ADPRHL1: variants seen among roughly 807,000 people sequenced by gnomAD.
ADPRHL1 encodes ADP-ribosylhydrolase like 1.
A neutral mutation model predicts 44.1 loss-of-function variants in ADPRHL1; 43 were observed. That is an observed-to-expected ratio of 0.98 (90% CI 0.76 to 1.26). The LOEUF is 1.26. ADPRHL1 is among the 50% of genes most tolerant of loss of function. The pLI, the probability that ADPRHL1 is intolerant of heterozygous loss-of-function variation, is 0.00. For missense variants in ADPRHL1, 2,022 were observed against 2,496.9 expected (o/e 0.81, Z 4.05); for synonymous variants, 878 against 1,017.4 (o/e 0.86, Z 2.61).
rs866482844 is a variant in ADPRHL1, at chr13:113,400,227, G to A, written c.*3151C>T. The A allele has an allele frequency of 2.7e-5, 4 of 145,758 alleles. No homozygotes were observed. Among genetic ancestry groups the A allele is most frequent in the Non-Finnish European group, 6.0e-5 (4 of 66,814 alleles). The allele number at this position is 145,758 out of a possible 1,614,324, so 9.0% of individuals were successfully genotyped here. ...GTGGCGCAATCTCGGCTCACTGCAAGCTCCACCTCCCGGGTTCACGCCATT... is the reference window on the plus strand; with the variant it reads ...GTGGCGCAATCTCGGCTCACTGCAAACTCCACCTCCCGGGTTCACGCCATT... On this transcript the variant is annotated 3_prime_UTR_variant, in exon 8 of 8. Transcript: ENST00000612156.
chr13:113,445,298 C>T (rs972232972), intron 1 of ADPRHL1, among the ~76,000 whole-genome samples: 1 of 152,216 alleles, frequency 6.6e-6, no homozygotes, highest in African/African-American at 2.4e-5. Context: ...TGTGTCTTGG[C>T]CAAAGCCAGA....
Position 113,405,777 on chromosome 13 carries a change from G to T in ADPRHL1, c.3505C>A (p.Pro1169Thr). The change falls in exon 8 of 8, where the codon CCT becomes ACT. Residue 1169 changes from proline (P) to threonine (T), a missense_variant. This residue lies in a region of ADPRHL1 where 1,221 missense variants were observed against 1,517.8 expected (regional missense o/e 0.80). Transcript: ENST00000612156. ...GGGGCCAGGAGGCCGTGGCTGTGAG[G>T]GTCTCGAGGGAGAGCCTCTCCTCTG... Reference protein sequence around the residue: ...HPRGEALPRDPHSHGLLAPGG... With the variant: ...HPRGEALPRDTHSHGLLAPGG... 8.1e-7 allele frequency: 1 copy of T among 1,231,798 alleles called. No homozygotes were observed. The highest frequency in any genetic ancestry group is 1.0e-6 in the Non-Finnish European group (1 of 988,008). The allele number at this position is 1,231,798 out of a possible 1,614,324, so 76.3% of individuals were successfully genotyped here.
rs141193569 is a variant in ADPRHL1, at chr13:113,405,308, C to T, written c.3974G>A (p.Gly1325Glu). The T allele has an allele frequency of 4.1e-6, 5 of 1,231,886 alleles. No individual in the cohort carries two copies. The highest frequency in any genetic ancestry group is 5.1e-6 in the Non-Finnish European group (5 of 988,108). 76.3% of individuals were successfully genotyped at this position (1,231,886 alleles called of 1,614,324 possible). ...PAVPPAEVDM[G>E]WVGGTHQRGP... ...CCGCTGGTGGGTGCCACCTACCCAC[C>T]CCATGTCCACCTCCGCGGGAGGCAC... is the stretch of plus-strand genomic sequence containing the variant. Residue 1325 changes from glycine (G) to glutamate (E), a missense_variant, in exon 8 of 8, where the codon GGG becomes GAG. Around this residue, in one of 8 missense-constraint regions of ADPRHL1, gnomAD observed 1,221 missense variants for 1,517.8 expected, o/e 0.80. Transcript: ENST00000612156.
At chr13:113,434,605 T>G (rs1207344444) in intron 2 of ADPRHL1, among the ~76,000 whole-genome samples, 1 of 104,218 alleles carries the variant, frequency 9.6e-6, no homozygotes. Flanking sequence ...GGCACCCAGG[T>G]GTAGAGTGAA....
At chr13:113,446,896 GTGT>G (rs536062544) in intron 1 of ADPRHL1, among the ~76,000 whole-genome samples, 4 of 148,832 alleles carry the variant, frequency 2.7e-5, no homozygotes, top group South Asian at 4.3e-4. Context: ...TACAGTCACG[GTGT>G]TGTGTGTGCA....
intron 7 of ADPRHL1, among the ~76,000 whole-genome samples, chr13:113,420,240 G>C (rs1394081256): frequency 1.3e-5 from 2 of 152,154 alleles, no homozygotes; most frequent in African/African-American, 4.8e-5. Context: ...CTCTGTAACA[G>C]GAAAGTGAAG....
chr13:113,441,754 C>G lies in ADPRHL1; in HGVS notation c.379+2671G>C, dbSNP rs2044100127. ...CATGTCCCGCCACTTGGGTCCGTGT[C>G]TCTATCATGCTCCGCCCCGCCGTGT... On this transcript the variant is annotated intron_variant, in intron 2 of 7. Coordinates refer to ENST00000612156, the MANE Select transcript of ADPRHL1 (RefSeq NM_001394807.1). The surrounding 1 kb of genome is among the most constrained non-coding windows in gnomAD (Gnocchi z 6.0). 6.6e-6 allele frequency among the ~76,000 whole-genome samples: 1 copy of G among 152,018 alleles called. No individual in the cohort carries two copies. Among genetic ancestry groups the G allele is most frequent in the Non-Finnish European group, 1.5e-5 (1 of 67,998 alleles).
chr13:113,438,824 C>T (rs2044078761), intron 2 of ADPRHL1, among the ~76,000 whole-genome samples: 1 of 152,060 alleles, frequency 6.6e-6, no homozygotes, highest in Non-Finnish European at 1.5e-5. Flanking sequence ...ACACCTGGCC[C>T]TCTTGTCCAT....
chr13:113,411,086 C>T (rs2043849379), intron 7 of ADPRHL1, among the ~76,000 whole-genome samples: 1 of 152,176 alleles, frequency 6.6e-6, no homozygotes, highest in Non-Finnish European at 1.5e-5. Flanking sequence ...GAATAAAGGC[C>T]ACCAGGCTCA....
intron 7 of ADPRHL1, among the ~76,000 whole-genome samples, chr13:113,410,259 C>T (rs7996235): frequency 0.19 from 28,639 of 152,096 alleles, 3,377 homozygotes; most frequent in African/African-American, 0.34. Flanking sequence ...GTGCCGTTCG[C>T]CCCCAAACCC....
At chr13:113,431,544 C>G (rs2044007432) in intron 3 of ADPRHL1, among the ~76,000 whole-genome samples, 1 of 152,192 alleles carries the variant, frequency 6.6e-6, no homozygotes, top group African/African-American at 2.4e-5. Flanking sequence ...CATGGGAGCA[C>G]GCGATGCAGG....
rs763504678 is a variant in ADPRHL1, at chr13:113,453,187, C to A, written c.214+37G>T. On this transcript the variant is annotated intron_variant, in intron 1 of 7. Transcript: ENST00000612156. The surrounding 1 kb of genome is among the most constrained non-coding windows in gnomAD (Gnocchi z 5.4). Reference sequence around the variant, plus strand: ...AGAACTCGAGCAGCCAGTGTTCCCTCCAGCCCGCACACCGGAGCGCGGTGG... The same window carrying A: ...AGAACTCGAGCAGCCAGTGTTCCCTACAGCCCGCACACCGGAGCGCGGTGG... 9 of 1,610,540 alleles carry A rather than the reference C, an allele frequency of 5.6e-6. No homozygotes were observed. In the Admixed American group the frequency reaches 1.2e-4, roughly 21 times the overall value.
rs1204841344 is a variant in ADPRHL1 at position 113,403,773 on chromosome 13, C to T, written c.5509G>A (p.Gly1837Arg). Residue 1837 changes from glycine to arginine, a missense_variant, in exon 8 of 8, where the codon GGG becomes AGG. Coordinates refer to ENST00000612156, the MANE Select transcript of ADPRHL1 (RefSeq NM_001394807.1). ...EGVDAAGRSG[G>R]SRSPAPRDGG... ...TCCCTGGGGGCTGGGCTTCTGGACCCCCCACTCCTGCCAGCAGCATCCACT... is the reference window on the plus strand; with the variant it reads ...TCCCTGGGGGCTGGGCTTCTGGACCTCCCACTCCTGCCAGCAGCATCCACT... The T allele has an allele frequency of 8.1e-7, 1 of 1,233,188 alleles. No individual in the cohort carries two copies. The highest frequency in any genetic ancestry group is 1.6e-5 in the African/African-American group (1 of 64,408). 76.4% of individuals were successfully genotyped at this position (1,233,188 alleles called of 1,614,324 possible). A position where few individuals can be genotyped will look rare whatever the true frequency, so the allele number is the denominator to read the frequency against.
intron 2 of ADPRHL1, among the ~76,000 whole-genome samples, chr13:113,439,107 TTC>T (rs2044080260): frequency 6.6e-6 from 1 of 152,182 alleles, no homozygotes. Flanking sequence ...GGGACTGAAA[TTC>T]TCTTTCCTTT....
chr13:113,452,168 A>G (rs574742446), intron 1 of ADPRHL1, among the ~76,000 whole-genome samples: 89 of 152,312 alleles, frequency 5.8e-4, no homozygotes, highest in Admixed American at 2.5e-3. Flanking sequence ...GGGCACAAGC[A>G]TGGGGTTGCT....
chr13:113,399,637 T>C lies in ADPRHL1; in HGVS notation c.*3741A>G, dbSNP rs550213790. ...AATGGGAAAGGTATTTTATTTCTTT[T>C]TGAAATTATTTCCAGCTGAATGATG... On this transcript the variant is annotated 3_prime_UTR_variant, in exon 8 of 8. Coordinates refer to ENST00000612156, the MANE Select transcript of ADPRHL1 (RefSeq NM_001394807.1). 1 of 152,224 alleles carries C rather than the reference T, an allele frequency of 6.6e-6. No homozygotes were observed. The highest frequency in any genetic ancestry group is 2.4e-5 in the African/African-American group (1 of 41,568). The allele number at this position is 152,224 out of a possible 1,614,324, so 9.4% of individuals were successfully genotyped here. A position where few individuals can be genotyped will look rare whatever the true frequency, so the allele number is the denominator to read the frequency against.
In ADPRHL1 at chr13:113,409,651, C is replaced by T. The variant is rs2043836748; in HGVS notation, c.1062-1431G>A. ...TGTAATCTCAGCGTGATTTGGGAGG[C>T]CGAGGCTGGCAGATCACGAGGTCAG... is the stretch of plus-strand genomic sequence containing the variant. On this transcript the variant is annotated intron_variant, in intron 7 of 7. Transcript: ENST00000612156. This position sits in a 1 kb window ranked among gnomAD's most constrained non-coding sequence, Gnocchi z 4.2. The T allele has an allele frequency of 1.0e-6, 1 of 975,742 alleles. No homozygotes were observed. The highest frequency in any genetic ancestry group is 1.8e-5 in the African/African-American group (1 of 56,986). The allele number at this position is 975,742 out of a possible 1,614,324, so 60.4% of individuals were successfully genotyped here. A position where few individuals can be genotyped will look rare whatever the true frequency, so the allele number is the denominator to read the frequency against.
At position 113,444,533 on chromosome 13, in the gene ADPRHL1, C is replaced by T. The variant is rs150080386; in HGVS notation, c.271G>A (p.Val91Ile). The T allele has an allele frequency of 3.8e-5, 61 of 1,614,052 alleles. No homozygotes were observed. Among genetic ancestry groups the T allele is most frequent in the African/African-American group, 2.0e-4 (15 of 74,896 alleles). ...GGCCGGCGTTCTGGAAGCTTCTCAACGATTTCCACATAGCATCTCACCATC... is the reference window on the plus strand; with the variant it reads ...GGCCGGCGTTCTGGAAGCTTCTCAATGATTTCCACATAGCATCTCACCATC... ...REMVRCYVEI[V>I]EKLPERRPDP... The change falls in exon 2 of 8, where the codon GTT becomes ATT. Residue 91 changes from valine (V) to isoleucine (I), a missense_variant. This residue lies in a region of ADPRHL1 where 437 missense variants were observed against 430.7 expected (regional missense o/e 1.01). Coordinates refer to ENST00000612156, the MANE Select transcript of ADPRHL1 (RefSeq NM_001394807.1).
At chr13:113,449,307 G>A (rs558149970) in intron 1 of ADPRHL1, 1 of 767,206 alleles carries the variant, frequency 1.3e-6, no homozygotes, top group East Asian at 1.3e-4. Flanking sequence ...CGGAAGGAGT[G>A]AGCCCCGGTC....
Sources: gnomAD v4.1 joint callset for allele counts (sites outside exome capture counted in the v4.1 genomes callset) on GRCh38, gnomAD v4.1.1 for gene constraint, gnomAD v4.1.1 regional missense constraint, Gnocchi (gnomAD v3.1) non-coding constraint, MANE v1.5 for transcripts, NCBI Gene and HGNC (gene_info 2026-07-23, HGNC 2026-07-21) for gene names.